IFT52: variants seen among roughly 807,000 people sequenced by gnomAD.
IFT52 encodes intraflagellar transport 52.
In IFT52, 44 loss-of-function variants were observed where a neutral mutation model predicts 54.4. The ratio of observed to expected loss-of-function variants is 0.81; its 90% confidence interval spans 0.63 to 1.04. The LOEUF is 1.04. Ranked by LOEUF, IFT52 falls within the 50% of genes least tolerant of loss-of-function variation. The pLI is 0.00. For missense variants in IFT52, 452 were observed against 523.6 expected (o/e 0.86, Z 1.33); for synonymous variants, 181 against 185.3 (o/e 0.98, Z 0.19).
chr20:43,629,590 A>G (rs1460305903), intron 10 of IFT52, among the ~76,000 whole-genome samples: 2 of 152,050 alleles, frequency 1.3e-5, no homozygotes, highest in African/African-American at 2.4e-5. Context: ...AGTTTTACAG[A>G]CATTGAACCC....
chr20:43,624,248 C>T (rs942635373), intron 10 of IFT52: 9 of 583,116 alleles, frequency 1.5e-5, no homozygotes, highest in Non-Finnish European at 2.4e-5. Context: ...TTAGCCCCTG[C>T]GTGTTCCAGA....
intron 9 of IFT52, among the ~76,000 whole-genome samples, chr20:43,622,720 T>C (rs1453278916): frequency 6.9e-6 from 1 of 145,674 alleles, no homozygotes; most frequent in Non-Finnish European, 1.5e-5. Context: ...TATTTTTATG[T>C]AAATATAAAT....
At chr20:43,612,596 G>C (rs527493135) in intron 6 of IFT52, among the ~76,000 whole-genome samples, 2 of 152,098 alleles carry the variant, frequency 1.3e-5, no homozygotes, top group African/African-American at 4.8e-5. Flanking sequence ...GGGCACTAAG[G>C]CAAGAGAATC....
intron 10 of IFT52, among the ~76,000 whole-genome samples, chr20:43,633,465 T>G (rs1985313930): frequency 6.6e-6 from 1 of 152,118 alleles, no homozygotes; most frequent in Admixed American, 6.6e-5. Context: ...ATCCCAGCAC[T>G]TTGGAAGGCT....
At chr20:43,609,242 A>G (rs1983228016) in intron 6 of IFT52, among the ~76,000 whole-genome samples, 1 of 152,218 alleles carries the variant, frequency 6.6e-6, no homozygotes, top group Middle Eastern at 3.4e-3. Context: ...ACTATCTCAA[A>G]AAAATAATAA....
At chr20:43,618,545 G>A (rs1207938562) in intron 7 of IFT52, among the ~76,000 whole-genome samples, 2 of 152,160 alleles carry the variant, frequency 1.3e-5, no homozygotes, top group Admixed American at 6.5e-5. Flanking sequence ...ACAGTGGCGC[G>A]ATCTCAGCTC....
At chr20:43,604,815 T>C (rs2145600724) in intron 5 of IFT52, among the ~76,000 whole-genome samples, 187 bp from the exon 6 acceptor site, 1 of 152,328 alleles carries the variant, frequency 6.6e-6, no homozygotes, top group Admixed American at 6.5e-5. Context: ...ATATGTATTT[T>C]TTGAGACAGA....
chr20:43,626,857 G>C (rs1260188799), intron 10 of IFT52, among the ~76,000 whole-genome samples: 1 of 152,000 alleles, frequency 6.6e-6, no homozygotes, highest in Non-Finnish European at 1.5e-5. Flanking sequence ...CCAGAGTTTA[G>C]AATTTAGGAA....
chr20:43,599,325 G>A (rs540832432), intron 3 of IFT52, among the ~76,000 whole-genome samples: 2 of 152,288 alleles, frequency 1.3e-5, no homozygotes, highest in South Asian at 4.1e-4. Context: ...AGAACCTGGT[G>A]CCTGGGCCTT....
intron 6 of IFT52, among the ~76,000 whole-genome samples, chr20:43,606,773 G>A (rs895252247): frequency 2.6e-5 from 4 of 152,084 alleles, no homozygotes; most frequent in African/African-American, 9.7e-5. Context: ...TTGAGATTAG[G>A]GAGTGGTGAT....
intron 10 of IFT52, among the ~76,000 whole-genome samples, chr20:43,624,836 C>T (rs536005355): frequency 1.3e-5 from 2 of 152,252 alleles, no homozygotes; most frequent in South Asian, 4.1e-4. Context: ...GCTTGTCTTC[C>T]TTTCTCACCC....
At chr20:43,595,326 A>AAAAAAAC in intron 2 of IFT52, among the ~76,000 whole-genome samples, 1 of 150,122 alleles carries the variant, frequency 6.7e-6, no homozygotes, top group African/African-American at 2.4e-5. Flanking sequence ...CAAAAAAAAA[A>AAAAAAAC]AAAAAAAAAA....
chr20:43,625,973 C>G (rs1984683096), intron 10 of IFT52, among the ~76,000 whole-genome samples: 1 of 138,436 alleles, frequency 7.2e-6, no homozygotes, highest in Non-Finnish European at 1.5e-5. Flanking sequence ...AAGGTTAAGG[C>G]TGCAGTGACC....
intron 3 of IFT52, among the ~76,000 whole-genome samples, chr20:43,596,763 A>G (rs1176696898): frequency 8.2e-6 from 1 of 121,786 alleles, no homozygotes; most frequent in Admixed American, 9.7e-5. Context: ...TTTTTTTGAG[A>G]CAGAGTCTCG....
intron 10 of IFT52, 136 bp downstream of exon 10, chr20:43,624,181 C>T (rs1984553799): frequency 1.0e-6 from 1 of 967,438 alleles, no homozygotes; most frequent in Non-Finnish European, 1.6e-6. Flanking sequence ...ATGATGAGGT[C>T]AACAAAGAAA....
chr20:43,629,857 T>C (rs1985036171), intron 10 of IFT52, among the ~76,000 whole-genome samples: 1 of 152,210 alleles, frequency 6.6e-6, no homozygotes, highest in Admixed American at 6.6e-5. Context: ...GAGGCTGTTA[T>C]CTCCATTTTA....
chr20:43,623,075 T>A (rs1307541100), intron 9 of IFT52, among the ~76,000 whole-genome samples: 7 of 152,176 alleles, frequency 4.6e-5, no homozygotes, highest in Middle Eastern at 3.4e-3. Context: ...GCCTGGATGC[T>A]AGGGGGTGGG....
chr20:43,621,780 G>A (rs1005330361), intron 9 of IFT52, among the ~76,000 whole-genome samples: 1 of 152,164 alleles, frequency 6.6e-6, no homozygotes, highest in Non-Finnish European at 1.5e-5. Context: ...TTTCTTATCT[G>A]TGAACAGGGA....
intron 7 of IFT52, among the ~76,000 whole-genome samples, chr20:43,617,891 G>A (rs536135589): frequency 2.0e-5 from 3 of 152,222 alleles, no homozygotes; most frequent in East Asian, 3.9e-4. Flanking sequence ...GTACAGGTGC[G>A]TGCCACCAAC....
Sources: allele counts gnomAD v4.1 joint callset (sites outside exome capture counted in the v4.1 genomes callset), GRCh38; gene constraint gnomAD v4.1.1; transcripts MANE v1.5; gene names NCBI Gene and HGNC (gene_info 2026-07-23, HGNC 2026-07-21).